CSMD1: variants seen among roughly 807,000 people sequenced by gnomAD.
The protein encoded by CSMD1 is CUB and Sushi multiple domains 1.
CSMD1 carries 213 observed loss-of-function variants against 417.5 expected under a neutral mutation model. The observed-to-expected ratio is 0.51, with a 90% confidence interval of 0.46 to 0.57. The LOEUF is 0.57. Among genes scored for constraint, CSMD1 ranks in the 20% least tolerant of loss-of-function variants. The pLI, the probability that CSMD1 is intolerant of heterozygous loss-of-function variation, is 0.00. For synonymous variants in CSMD1, 2,862 were observed against 1,736.8 expected (o/e 1.65, Z -16.11); for missense variants, 6,923 against 4,529.7 (o/e 1.53, Z -15.17).
At chr8:4,040,464 A>G (rs548453541) in intron 3 of CSMD1, among the ~76,000 whole-genome samples, 1 of 152,326 alleles carries the variant, frequency 6.6e-6, no homozygotes, top group African/African-American at 2.4e-5. Flanking sequence ...ATGATGATGG[A>G]TTCAGAATCT....
In CSMD1 at chr8:2,954,273, A is replaced by G; in HGVS notation, c.9995-5T>C. The G allele has an allele frequency of 6.3e-6, 9 of 1,437,960 alleles. No homozygotes were observed. Among genetic ancestry groups the G allele is most frequent in the Non-Finnish European group, 8.5e-6 (9 of 1,060,094 alleles). 89.1% of individuals were successfully genotyped at this position (1,437,960 alleles called of 1,614,324 possible). ...TAACTTCTCTCACTCCTTTACCTAC[A>G]AGTAAAAAGACAAATTATCATTTTA... On this transcript the variant is annotated splice_region_variant and splice_polypyrimidine_tract_variant and intron_variant, in intron 64 of 69. Coordinates refer to ENST00000635120, the MANE Select transcript of CSMD1 (RefSeq NM_033225.6).
chr8:3,306,454 C>T (rs988169379), intron 25 of CSMD1, among the ~76,000 whole-genome samples: 1 of 152,190 alleles, frequency 6.6e-6, no homozygotes. Flanking sequence ...GCATGAGCCA[C>T]TGTGCCCAGC....
intron 49 of CSMD1, among the ~76,000 whole-genome samples, chr8:3,080,701 C>T (rs1225251239): frequency 6.6e-6 from 1 of 152,144 alleles, no homozygotes; most frequent in Non-Finnish European, 1.5e-5. Context: ...TCATAATTGG[C>T]ATGCATGTAA....
At position 3,230,990 on chromosome 8, in the gene CSMD1, T is replaced by C. The variant is rs374557827; in HGVS notation, c.4154-759A>G. Among the ~76,000 whole-genome samples, 121 of 152,252 alleles carry C rather than the reference T, an allele frequency of 7.9e-4. No individual in the cohort carries two copies. The South Asian group carries it at 0.015, about 19-fold the overall frequency. On this transcript the variant is annotated intron_variant, in intron 26 of 69. Coordinates refer to ENST00000635120, the MANE Select transcript of CSMD1 (RefSeq NM_033225.6). ...ATCATATCAGTTTCTGGTAATCATGTGTAAAGTGCATTGCAAACGGCGAGC... is the reference window on the plus strand; with the variant it reads ...ATCATATCAGTTTCTGGTAATCATGCGTAAAGTGCATTGCAAACGGCGAGC...
intron 12 of CSMD1, among the ~76,000 whole-genome samples, chr8:3,417,241 T>A (rs1302257547): frequency 6.6e-6 from 1 of 152,222 alleles, no homozygotes; most frequent in Non-Finnish European, 1.5e-5. Flanking sequence ...GAGGGACCTT[T>A]AAATTCCATA....
chr8:3,828,850 T>G (rs1000766611), intron 5 of CSMD1, among the ~76,000 whole-genome samples: 1 of 152,016 alleles, frequency 6.6e-6, no homozygotes, highest in Non-Finnish European at 1.5e-5. Flanking sequence ...CCACGAGATT[T>G]TGTCTTATCT....
intron 37 of CSMD1, among the ~76,000 whole-genome samples, chr8:3,166,645 C>T (rs1417016747): frequency 6.6e-6 from 1 of 152,166 alleles, no homozygotes; most frequent in Non-Finnish European, 1.5e-5. Flanking sequence ...CTCATATTGT[C>T]AAGCCAGGGG....
chr8:4,160,092 A>AAG (rs1379582815), intron 3 of CSMD1, among the ~76,000 whole-genome samples: 86 of 84,498 alleles, frequency 1.0e-3, no homozygotes, highest in African/African-American at 3.5e-3. Context: ...ATTTAAAAAA[A>AAG]AAAAGAAAAA....
At chr8:4,641,728 T>G (rs993289906) in intron 1 of CSMD1, among the ~76,000 whole-genome samples, 1 of 152,136 alleles carries the variant, frequency 6.6e-6, no homozygotes, top group Non-Finnish European at 1.5e-5. Context: ...TCATAACATA[T>G]ATCACAATAA....
intron 3 of CSMD1, among the ~76,000 whole-genome samples, chr8:4,261,834 T>A (rs1192737789): frequency 6.6e-6 from 1 of 152,196 alleles, no homozygotes; most frequent in Non-Finnish European, 1.5e-5. Flanking sequence ...ACCTTATATG[T>A]ATAAAGATTT....
chr8:3,262,203 ATATATATATATATATATAT>A (rs1801126929), intron 26 of CSMD1, among the ~76,000 whole-genome samples: 1 of 90,080 alleles, frequency 1.1e-5, no homozygotes, highest in Admixed American at 1.1e-4. Context: ...ATATATATAT[ATATATATATATATATATAT>A]ATATATATAC....
intron 3 of CSMD1, among the ~76,000 whole-genome samples, chr8:4,300,245 AAC>A (rs1316996715): frequency 6.6e-6 from 1 of 152,250 alleles, no homozygotes; most frequent in Non-Finnish European, 1.5e-5. Context: ...GTCGTTTGTA[AAC>A]ACAGAGCTTT....
At chr8:4,012,846 C>A (rs2740944) in intron 4 of CSMD1, among the ~76,000 whole-genome samples, 2 of 151,226 alleles carry the variant, frequency 1.3e-5, no homozygotes, top group East Asian at 2.0e-4. Context: ...AGAAGACACA[C>A]GGTGCCATCC....
intron 4 of CSMD1, among the ~76,000 whole-genome samples, chr8:4,010,747 A>G (rs890234357): frequency 3.3e-5 from 5 of 152,048 alleles, no homozygotes; most frequent in African/African-American, 7.3e-5. Flanking sequence ...TACCATCCTT[A>G]GGGCTCATGG....
intron 8 of CSMD1, among the ~76,000 whole-genome samples, chr8:3,598,845 G>C (rs747623818): frequency 1.5e-4 from 23 of 152,212 alleles, no homozygotes; most frequent in South Asian, 8.3e-4. Context: ...CACTTTGGGA[G>C]GCCGACACAG....
At position 4,934,802 on chromosome 8, in the gene CSMD1, AACCT is replaced by A. The variant is rs534433225; in HGVS notation, c.85+59526_85+59529del. Among the ~76,000 whole-genome samples the A allele has an allele frequency of 7.3e-3, 1,111 of 152,164 alleles. 4 individuals carry two copies. The highest frequency in any genetic ancestry group is 0.011 in the Non-Finnish European group (743 of 67,982). On this transcript the variant is annotated intron_variant, in intron 1 of 69. Transcript: ENST00000635120. The stretch of plus-strand genomic sequence containing the variant: ...ATCTATCAATCATCTATTATCTATA[AACCT>A]ACCTATCATGTATCAATCACCTATC...
chr8:2,977,060 A>AAAG (rs1328346519), intron 55 of CSMD1, among the ~76,000 whole-genome samples: 7 of 151,966 alleles, frequency 4.6e-5, no homozygotes, highest in Admixed American at 1.3e-4. Context: ...TTTAAAAAAA[A>AAAG]AAAGAAAGAA....
intron 10 of CSMD1, among the ~76,000 whole-genome samples, chr8:3,514,751 G>C (rs915669031): frequency 1.3e-5 from 2 of 151,848 alleles, no homozygotes; most frequent in Non-Finnish European, 2.9e-5. Context: ...AAAAATAATT[G>C]CCTTCATAAT....
intron 21 of CSMD1, 126 bp downstream of exon 21, chr8:3,359,026 G>T: frequency 1.2e-6 from 1 of 814,662 alleles, no homozygotes; most frequent in Non-Finnish European, 2.0e-6. Context: ...GCAGAGTGGA[G>T]CCCACACTTT....
Sources: gnomAD v4.1 joint callset for allele counts (sites outside exome capture counted in the v4.1 genomes callset) on GRCh38, gnomAD v4.1.1 for gene constraint, MANE v1.5 for transcripts, NCBI Gene and HGNC (gene_info 2026-07-23, HGNC 2026-07-21) for gene names.